The following RBFOX1 variants were observed in gnomAD, a reference collection of about 807,000 sequenced individuals.
The protein encoded by RBFOX1 is RNA binding fox-1 homolog 1.
Under a neutral mutation model 57.7 loss-of-function variants are expected in RBFOX1, and 8 were observed. The observed-to-expected ratio is 0.14, with a 90% CI of 0.08 to 0.25. RBFOX1 has a LOEUF of 0.25. Among genes scored for constraint, RBFOX1 ranks in the 10% least tolerant of loss-of-function variants. The probability of loss-of-function intolerance (pLI) is 1.00; values close to 1 mark genes in which losing one functional copy is unlikely to be tolerated. For synonymous variants in RBFOX1, 326 were observed against 222.4 expected (o/e 1.47, Z -4.15); for missense variants, 611 against 548.5 (o/e 1.11, Z -1.14).
chr16:7,234,589 T>A (rs1344471402), intron 4 of RBFOX1, among the ~76,000 whole-genome samples: 1 of 22,074 alleles, frequency 4.5e-5, no homozygotes, highest in Non-Finnish European at 7.2e-5. Context: ...TGTATACATA[T>A]GTGTGTGTGT....
chr16:6,225,625 G>A (rs757740792), intron 1 of RBFOX1, among the ~76,000 whole-genome samples: 4 of 152,118 alleles, frequency 2.6e-5, no homozygotes, highest in Non-Finnish European at 5.9e-5. Flanking sequence ...GGAAGAAAGG[G>A]AATTGCTCAC....
rs185069277 is a variant in RBFOX1, at chr16:5,994,558, C to T, written c.351+127223C>T. Among the ~76,000 whole-genome samples, 480 of 152,296 alleles carry T rather than the reference C, an allele frequency of 3.2e-3. 1 individual carries two copies. The highest frequency in any genetic ancestry group is 3.8e-3 in the Non-Finnish European group (259 of 68,024). On this transcript the variant is annotated intron_variant, in intron 4 of 19. Transcript: ENST00000641259. ...TTTCTATACCAGGTATATTTCTACACGAGCTTGGCAAGGTTCAGAGAATAG... is the reference window on the plus strand; with the variant it reads ...TTTCTATACCAGGTATATTTCTACATGAGCTTGGCAAGGTTCAGAGAATAG...
intron 3 of RBFOX1, among the ~76,000 whole-genome samples, chr16:5,810,607 C>A (rs1311024017): frequency 6.6e-6 from 1 of 152,150 alleles, no homozygotes; most frequent in Non-Finnish European, 1.5e-5. Flanking sequence ...GACACTCCTG[C>A]TGGGTTGACC....
intron 3 of RBFOX1, chr16:5,616,269 G>A (rs1016599604): frequency 1.3e-5 from 2 of 152,340 alleles, no homozygotes; most frequent in African/African-American, 4.8e-5. Context: ...CTGGAAACCT[G>A]GGAAGGAAGT....
chr16:5,253,774 C>A (rs1275640105), intron 1 of RBFOX1, among the ~76,000 whole-genome samples: 1 of 152,258 alleles, frequency 6.6e-6, no homozygotes, highest in South Asian at 2.1e-4. Flanking sequence ...CTTTCAGGCT[C>A]TTGCACTTCC....
intron 2 of RBFOX1, among the ~76,000 whole-genome samples, chr16:5,592,326 A>G (rs2047034744): frequency 6.6e-6 from 1 of 151,592 alleles, no homozygotes; most frequent in African/African-American, 2.4e-5. Flanking sequence ...ACAATTATAT[A>G]TGCGCAGAAT....
intron 2 of RBFOX1, among the ~76,000 whole-genome samples, chr16:5,547,618 G>C (rs1050126611): frequency 2.0e-5 from 3 of 152,168 alleles, no homozygotes; most frequent in African/African-American, 7.2e-5. Flanking sequence ...AGTGGGAAAG[G>C]ATGAGAGGGA....
intron 3 of RBFOX1, chr16:6,775,760 A>C (rs917930716): frequency 6.6e-6 from 1 of 152,150 alleles, no homozygotes; most frequent in Admixed American, 6.5e-5. Context: ...GGTGACAGTG[A>C]GAGGAAGGAA....
chr16:5,639,605 C>G (rs929812343), intron 3 of RBFOX1, among the ~76,000 whole-genome samples: 1 of 152,196 alleles, frequency 6.6e-6, no homozygotes, highest in Non-Finnish European at 1.5e-5. Context: ...TCCTGAACAT[C>G]AAGTGGCAGG....
chr16:6,784,124 C>CT (rs1321589303), intron 3 of RBFOX1, among the ~76,000 whole-genome samples: 1 of 151,966 alleles, frequency 6.6e-6, no homozygotes, highest in East Asian at 1.9e-4. Context: ...GTTTCATCTG[C>CT]TTGGTGTTGC....
rs1375317007 is a variant in RBFOX1, at chr16:6,019,129, T to C, written c.-990T>C. On this transcript the variant is annotated 5_prime_UTR_variant, in exon 1 of 16. Coordinates refer to ENST00000550418, the MANE Select transcript of RBFOX1 (RefSeq NM_018723.4). The surrounding 1 kb of genome is among the most constrained non-coding windows in gnomAD (Gnocchi z 4.2). ...CACATGCACACATTTTCTCGCGCTC[T>C]CTCCGGCTCTCCTTTGTTTATTTTC... is the stretch of plus-strand genomic sequence containing the variant. 3 of 984,898 alleles carry C rather than the reference T, an allele frequency of 3.0e-6. No homozygotes were observed. Among genetic ancestry groups the C allele is most frequent in the Admixed American group, 1.2e-4 (2 of 16,206 alleles). The allele number at this position is 984,898 out of a possible 1,614,324, so 61.0% of individuals were successfully genotyped here.
At chr16:5,879,972 A>G (rs552175909) in intron 4 of RBFOX1, among the ~76,000 whole-genome samples, 5 of 152,296 alleles carry the variant, frequency 3.3e-5, no homozygotes, top group African/African-American at 1.2e-4. Context: ...AACCTGTAAC[A>G]AGAGGCCTGA....
chr16:7,400,798 T>C (rs1479714329), intron 4 of RBFOX1, among the ~76,000 whole-genome samples: 1 of 152,174 alleles, frequency 6.6e-6, no homozygotes, highest in African/African-American at 2.4e-5. Context: ...ATGGTGGTGA[T>C]GTTAGGAGGA....
intron 1 of RBFOX1, among the ~76,000 whole-genome samples, chr16:5,398,316 C>G (rs1006456342): frequency 1.3e-5 from 2 of 151,282 alleles, no homozygotes; most frequent in East Asian, 3.9e-4. Context: ...TGCATGTGTG[C>G]TCGTGTGCAT....
At chr16:7,090,381 T>C (rs1451337043) in intron 4 of RBFOX1, among the ~76,000 whole-genome samples, 1 of 152,072 alleles carries the variant, frequency 6.6e-6, no homozygotes, top group African/African-American at 2.4e-5. Flanking sequence ...AGGTGTGGGG[T>C]AGATGGTATA....
intron 4 of RBFOX1, among the ~76,000 whole-genome samples, chr16:7,139,192 GTGTGTATGTGTGTGTGTT>G (rs1313458380): frequency 6.6e-6 from 1 of 150,676 alleles, no homozygotes; most frequent in African/African-American, 2.5e-5. Flanking sequence ...GTGTGTGTGT[GTGTGTATGTGTGTGTGTT>G]TGTGTGTGTG....
chr16:5,911,866 A>G (rs1291684587), intron 4 of RBFOX1, among the ~76,000 whole-genome samples: 2 of 152,110 alleles, frequency 1.3e-5, no homozygotes, highest in Non-Finnish European at 2.9e-5. Flanking sequence ...CCATGGCCTC[A>G]TACCCTCCCT....
At chr16:7,257,260 C>T (rs931693242) in intron 4 of RBFOX1, among the ~76,000 whole-genome samples, 2 of 152,302 alleles carry the variant, frequency 1.3e-5, no homozygotes, top group South Asian at 4.1e-4. Flanking sequence ...CGATCCCTGA[C>T]TGGGAGGAAG....
At chr16:5,864,666 T>C (rs1169366098) in intron 3 of RBFOX1, among the ~76,000 whole-genome samples, 1 of 152,162 alleles carries the variant, frequency 6.6e-6, no homozygotes, top group Non-Finnish European at 1.5e-5. Context: ...CCCCAAGCTG[T>C]ATGATAGTTT....
Sources: allele counts gnomAD v4.1 joint callset (sites outside exome capture counted in the v4.1 genomes callset), GRCh38; gene constraint gnomAD v4.1.1; non-coding constraint Gnocchi (gnomAD v3.1); transcripts MANE v1.5; gene names NCBI Gene and HGNC (gene_info 2026-07-23, HGNC 2026-07-21).